The following FAM237B variants were observed in gnomAD, a reference collection of about 807,000 sequenced individuals.
FAM237B encodes the protein protein FAM237B.
rs13238276 is a variant in FAM237B, at chr7:90,320,999, T to C, written c.-128A>G. On this transcript the variant is annotated 5_prime_UTR_variant, in exon 1 of 3. Transcript: ENST00000692316. ...CCGAGGAGCGCGTCCCGGCGCGGTG[T>C]CCTGGGTGCGCTACGCTCGTTGGGA... 8,119 of 152,302 alleles carry C rather than the reference T, an allele frequency of 0.053. 274 individuals are homozygous for C. The highest frequency in any genetic ancestry group is 0.077 in the Non-Finnish European group (5,251 of 68,052). 9.4% of individuals were successfully genotyped at this position (152,302 alleles called of 1,614,324 possible).
Position 90,316,858 on chromosome 7 carries a change from G to A in FAM237B, c.*2471C>T, listed in dbSNP as rs1183165633. On this transcript the variant is annotated 3_prime_UTR_variant, in exon 3 of 3. Coordinates refer to ENST00000692316, the MANE Select transcript of FAM237B (RefSeq NM_001384237.2). Reference sequence around the variant, plus strand: ...GATTTAAGCTAAAATGTTTATCATCGCTGCAATAAAATTGTCATGACAACT... The same window carrying A: ...GATTTAAGCTAAAATGTTTATCATCACTGCAATAAAATTGTCATGACAACT... The A allele has an allele frequency of 2.0e-5, 3 of 152,100 alleles. No individual in the cohort carries two copies. Among genetic ancestry groups the A allele is most frequent in the Non-Finnish European group, 4.4e-5 (3 of 68,006 alleles). 9.4% of individuals were successfully genotyped at this position (152,100 alleles called of 1,614,324 possible). A position where few individuals can be genotyped will look rare whatever the true frequency, so the allele number is the denominator to read the frequency against.
At chr7:90,319,823 CTG>C in intron 2 of FAM237B, 72 bp from the exon 3 acceptor site, 1 of 397,754 alleles carries the variant, frequency 2.5e-6, no homozygotes, top group East Asian at 3.6e-5. Flanking sequence ...ATCTAAAAAA[CTG>C]TAAGTACACA....
chr7:90,317,092 T>G lies in FAM237B; in HGVS notation c.*2237A>C, dbSNP rs887527269. The G allele has an allele frequency of 1.1e-4, 16 of 140,880 alleles. No homozygotes were observed. The highest frequency in any genetic ancestry group is 3.1e-5 in the Non-Finnish European group (2 of 64,868). The allele number at this position is 140,880 out of a possible 1,614,324, so 8.7% of individuals were successfully genotyped here. On this transcript the variant is annotated 3_prime_UTR_variant, in exon 3 of 3. Coordinates refer to ENST00000692316, the MANE Select transcript of FAM237B (RefSeq NM_001384237.2). Reference sequence around the variant, plus strand: ...TTCTAGGTGGATAGCTGTCAGGTCATTTTTTTTTTTTTAGACCAAAAGCAG... The same window carrying G: ...TTCTAGGTGGATAGCTGTCAGGTCAGTTTTTTTTTTTTAGACCAAAAGCAG...
In FAM237B at chr7:90,318,473, C is replaced by T. The variant is rs546867489; in HGVS notation, c.*856G>A. 1.3e-5 allele frequency: 2 copies of T among 152,018 alleles called. No individual in the cohort carries two copies. The highest frequency in any genetic ancestry group is 4.8e-5 in the African/African-American group (2 of 41,408). 9.4% of individuals were successfully genotyped at this position (152,018 alleles called of 1,614,324 possible). On this transcript the variant is annotated 3_prime_UTR_variant, in exon 3 of 3. Transcript: ENST00000692316. The stretch of plus-strand genomic sequence containing the variant: ...TGGCTTGGTAATGAAATGTACATTT[C>T]AGAAACCACAAAATATACTACATTA...
In FAM237B at chr7:90,317,680, G is replaced by T. The variant is rs1432682938; in HGVS notation, c.*1649C>A. The T allele has an allele frequency of 6.6e-6, 1 of 151,902 alleles. No individual in the cohort carries two copies. The highest frequency in any genetic ancestry group is 1.9e-4 in the East Asian group (1 of 5,204). 9.4% of individuals were successfully genotyped at this position (151,902 alleles called of 1,614,324 possible). A position where few individuals can be genotyped will look rare whatever the true frequency, so the allele number is the denominator to read the frequency against. ...TTTATATATAAAACCCCTAATAAAT[G>T]GTCTATACATCATCAGAATTTGAAA... On this transcript the variant is annotated 3_prime_UTR_variant, in exon 3 of 3. Coordinates refer to ENST00000692316, the MANE Select transcript of FAM237B (RefSeq NM_001384237.2).
At position 90,316,882 on chromosome 7, in the gene FAM237B, C is replaced by T. The variant is rs1232221747; in HGVS notation, c.*2447G>A. 1 of 152,164 alleles carries T rather than the reference C, an allele frequency of 6.6e-6. No individual in the cohort carries two copies. Among genetic ancestry groups the T allele is most frequent in the Non-Finnish European group, 1.5e-5 (1 of 68,024 alleles). 9.4% of individuals were successfully genotyped at this position (152,164 alleles called of 1,614,324 possible). A position where few individuals can be genotyped will look rare whatever the true frequency, so the allele number is the denominator to read the frequency against. ...CGCTGCAATAAAATTGTCATGACAA[C>T]TATGAGTGATTGAGGACAACTGGTT... On this transcript the variant is annotated 3_prime_UTR_variant, in exon 3 of 3. Transcript: ENST00000692316.
At position 90,317,372 on chromosome 7, in the gene FAM237B, A is replaced by G. The variant is rs1043437702; in HGVS notation, c.*1957T>C. On this transcript the variant is annotated 3_prime_UTR_variant, in exon 3 of 3. Transcript: ENST00000692316. ...AAGCTTAATGGACATAAAATCACTC[A>G]TGTTTACACGCTGTCTGGTCATTTT... is the stretch of plus-strand genomic sequence containing the variant. 2.6e-5 allele frequency: 4 copies of G among 152,048 alleles called. No individual in the cohort carries two copies. Among genetic ancestry groups the G allele is most frequent in the Non-Finnish European group, 5.9e-5 (4 of 67,944 alleles). 9.4% of individuals were successfully genotyped at this position (152,048 alleles called of 1,614,324 possible). A position where few individuals can be genotyped will look rare whatever the true frequency, so the allele number is the denominator to read the frequency against.
rs1794929343 is a variant in FAM237B at position 90,317,657 on chromosome 7, T to C, written c.*1672A>G. Reference sequence around the variant, plus strand: ...TGCAAAATGTAATTTTAAGAGTGTTTATATATAAAACCCCTAATAAATGGT... The same window carrying C: ...TGCAAAATGTAATTTTAAGAGTGTTCATATATAAAACCCCTAATAAATGGT... On this transcript the variant is annotated 3_prime_UTR_variant, in exon 3 of 3. Transcript: ENST00000692316. 6.6e-6 allele frequency: 1 copy of C among 152,134 alleles called. No homozygotes were observed. The highest frequency in any genetic ancestry group is 1.5e-5 in the Non-Finnish European group (1 of 67,992). 9.4% of individuals were successfully genotyped at this position (152,134 alleles called of 1,614,324 possible).
At position 90,319,104 on chromosome 7, in the gene FAM237B, C is replaced by T. The variant is rs1229572120; in HGVS notation, c.*225G>A. On this transcript the variant is annotated 3_prime_UTR_variant, in exon 3 of 3. Coordinates refer to ENST00000692316, the MANE Select transcript of FAM237B (RefSeq NM_001384237.2). ...TTCTTATGAACTATTCATGGGCAAA[C>T]AAGGATAATTTTAATTATCTACCAA... 2 of 317,814 alleles carry T rather than the reference C, an allele frequency of 6.3e-6. No homozygotes were observed. Among genetic ancestry groups the T allele is most frequent in the African/African-American group, 2.1e-5 (1 of 46,926 alleles). The allele number at this position is 317,814 out of a possible 1,614,324, so 19.7% of individuals were successfully genotyped here.
rs1794980904 is a variant in FAM237B, at chr7:90,318,128, A to G, written c.*1201T>C. ...CTTTTACGACATGCATTCAAAAAGTATTAATCTAAACCGTAACTCCATTGT... is the reference window on the plus strand; with the variant it reads ...CTTTTACGACATGCATTCAAAAAGTGTTAATCTAAACCGTAACTCCATTGT... On this transcript the variant is annotated 3_prime_UTR_variant, in exon 3 of 3. Coordinates refer to ENST00000692316, the MANE Select transcript of FAM237B (RefSeq NM_001384237.2). The G allele has an allele frequency of 6.6e-6, 1 of 152,198 alleles. No individual in the cohort carries two copies. The highest frequency in any genetic ancestry group is 2.1e-4 in the South Asian group (1 of 4,830). 9.4% of individuals were successfully genotyped at this position (152,198 alleles called of 1,614,324 possible).
chr7:90,319,526 T>A lies in FAM237B; in HGVS notation c.223A>T (p.Met75Leu), dbSNP rs1321464071. The A allele has an allele frequency of 2.5e-6, 1 of 398,414 alleles. No homozygotes were observed. The highest frequency in any genetic ancestry group is 2.1e-5 in the African/African-American group (1 of 48,610). 24.7% of individuals were successfully genotyped at this position (398,414 alleles called of 1,614,324 possible). ...CGCTGAGATTTTTGCAAGAACAACA[T>A]GAAATTCCAAAAAGCATCCACATTG... ...EHNVDAFWNF[M>L]LFLQKSQRPG... The change falls in exon 3 of 3, where the codon ATG becomes TTG. Residue 75 changes from methionine to leucine, a missense_variant. Met to Leu is a conservative substitution (Grantham distance 15). Coordinates refer to ENST00000692316, the MANE Select transcript of FAM237B (RefSeq NM_001384237.2).
intron 2 of FAM237B, 24 bp from the exon 3 acceptor site, chr7:90,319,775 A>G (rs1390010029): frequency 2.5e-6 from 1 of 398,428 alleles, no homozygotes; most frequent in Non-Finnish European, 4.4e-6. Flanking sequence ...AAAATGAGAG[A>G]GGATATATTT....
At chr7:90,320,801 A>G (rs1795249183) in intron 1 of FAM237B, 74 bp from the exon 2 acceptor site, 1 of 152,276 alleles carries the variant, frequency 6.6e-6, no homozygotes, top group African/African-American at 2.4e-5. Context: ...AAATTGTGCA[A>G]ATTCCCCAGA....
At position 90,320,971 on chromosome 7, in the gene FAM237B, C is replaced by G. The variant is rs1795260181; in HGVS notation, c.-100G>C. On this transcript the variant is annotated 5_prime_UTR_variant, in exon 1 of 3. Coordinates refer to ENST00000692316, the MANE Select transcript of FAM237B (RefSeq NM_001384237.2). The stretch of plus-strand genomic sequence containing the variant: ...GCGGGAGTCGAGGACCTCTGGTCGC[C>G]GTCCGAGGAGCGCGTCCCGGCGCGG... 1 of 151,992 alleles carries G rather than the reference C, an allele frequency of 6.6e-6. No homozygotes were observed. The highest frequency in any genetic ancestry group is 1.5e-5 in the Non-Finnish European group (1 of 68,036). 9.4% of individuals were successfully genotyped at this position (151,992 alleles called of 1,614,324 possible). A position where few individuals can be genotyped will look rare whatever the true frequency, so the allele number is the denominator to read the frequency against.
Position 90,319,050 on chromosome 7 carries a change from A to G in FAM237B, c.*279T>C. 1 of 233,550 alleles carries G rather than the reference A, an allele frequency of 4.3e-6. No individual in the cohort carries two copies. Among genetic ancestry groups the G allele is most frequent in the Non-Finnish European group, 8.2e-6 (1 of 122,672 alleles). 14.5% of individuals were successfully genotyped at this position (233,550 alleles called of 1,614,324 possible). ...TGTTTAAAATTTCTTCAACAAATGT[A>G]ATATGAATAATTACAGGGTTAAATG... On this transcript the variant is annotated 3_prime_UTR_variant, in exon 3 of 3. Coordinates refer to ENST00000692316, the MANE Select transcript of FAM237B (RefSeq NM_001384237.2).
At position 90,318,572 on chromosome 7, in the gene FAM237B, C is replaced by G. The variant is rs972623794; in HGVS notation, c.*757G>C. 6.6e-6 allele frequency: 1 copy of G among 151,952 alleles called. No homozygotes were observed. Among genetic ancestry groups the G allele is most frequent in the African/African-American group, 2.4e-5 (1 of 41,384 alleles). 9.4% of individuals were successfully genotyped at this position (151,952 alleles called of 1,614,324 possible). On this transcript the variant is annotated 3_prime_UTR_variant, in exon 3 of 3. Coordinates refer to ENST00000692316, the MANE Select transcript of FAM237B (RefSeq NM_001384237.2). ...TAGTCAATATTAATATATAAGATAC[C>G]TTATAAAATTGGTTACAATTTTATT...
chr7:90,320,965 G>A lies in FAM237B; in HGVS notation c.-94C>T, dbSNP rs1035897920. 4 of 151,802 alleles carry A rather than the reference G, an allele frequency of 2.6e-5. No homozygotes were observed. 9.4% of individuals were successfully genotyped at this position (151,802 alleles called of 1,614,324 possible). A position where few individuals can be genotyped will look rare whatever the true frequency, so the allele number is the denominator to read the frequency against. On this transcript the variant is annotated 5_prime_UTR_variant, in exon 1 of 3. Transcript: ENST00000692316. ...GGCCACGCGGGAGTCGAGGACCTCTGGTCGCCGTCCGAGGAGCGCGTCCCG... is the reference window on the plus strand; with the variant it reads ...GGCCACGCGGGAGTCGAGGACCTCTAGTCGCCGTCCGAGGAGCGCGTCCCG...
chr7:90,320,260 G>A (rs1212742281), intron 2 of FAM237B: 3 of 152,200 alleles, frequency 2.0e-5, no homozygotes, highest in Admixed American at 6.5e-5. Context: ...CACAAACACC[G>A]TTTAAGTCTC....
chr7:90,320,644 T>C (rs765323076), intron 2 of FAM237B, 37 bp downstream of exon 2: 2 of 152,178 alleles, frequency 1.3e-5, no homozygotes, highest in Non-Finnish European at 2.9e-5. Context: ...CGGGGAGGGA[T>C]AGGGAGAGGA....
Sources: allele counts gnomAD v4.1 joint callset, GRCh38; gene constraint gnomAD v4.1.1; transcripts MANE v1.5; gene names NCBI Gene and HGNC (gene_info 2026-07-23, HGNC 2026-07-21).